RALY: variants seen among roughly 807,000 people sequenced by gnomAD.
The protein encoded by RALY is RNA-binding protein Raly.
A neutral mutation model predicts 30.7 loss-of-function variants in RALY; 15 were observed. The observed-to-expected ratio is 0.49, with a 90% confidence interval of 0.33 to 0.75. The LOEUF (loss-of-function observed/expected upper bound fraction) is 0.75. RALY is among the 30% of genes least tolerant of loss of function. The probability of loss-of-function intolerance (pLI) is 0.02; values close to 1 mark genes in which losing one functional copy is unlikely to be tolerated. For missense variants in RALY, 339 were observed against 414.3 expected, an observed-to-expected ratio of 0.82 and a Z score of 1.58; for synonymous variants, 177 against 170.8, an observed-to-expected ratio of 1.04 and a Z score of -0.28.
At chr20:34,062,197 A>G (rs1453901124) in intron 2 of RALY, among the ~76,000 whole-genome samples, 1 of 152,178 alleles carries the variant, frequency 6.6e-6, no homozygotes, top group East Asian at 1.9e-4. Flanking sequence ...CCTGGCATAT[A>G]ATGAGTATTC....
intron 2 of RALY, among the ~76,000 whole-genome samples, chr20:34,041,768 A>G (rs2123136317): frequency 6.6e-6 from 1 of 152,330 alleles, no homozygotes; most frequent in Non-Finnish European, 1.5e-5. Flanking sequence ...GACAATCATC[A>G]AGTTTACATA....
rs991294806 is a variant in RALY, at chr20:34,080,640, C to A, written c.*735C>A. 4 of 152,514 alleles carry A rather than the reference C, an allele frequency of 2.6e-5. No homozygotes were observed. Among genetic ancestry groups the A allele is most frequent in the African/African-American group, 9.7e-5 (4 of 41,434 alleles). 9.4% of individuals were successfully genotyped at this position (152,514 alleles called of 1,614,324 possible). ...TTGGACGTTGTCCTCCCACCAGCCT[C>A]CCAGTCTTCTGCCTCTGCCCTGTAC... is the stretch of plus-strand genomic sequence containing the variant. On this transcript the variant is annotated 3_prime_UTR_variant, in exon 10 of 10. Coordinates refer to ENST00000246194, the MANE Select transcript of RALY (RefSeq NM_016732.3).
intron 2 of RALY, among the ~76,000 whole-genome samples, chr20:34,051,928 G>A (rs1210291844): frequency 6.6e-6 from 1 of 152,112 alleles, no homozygotes; most frequent in Non-Finnish European, 1.5e-5. Flanking sequence ...ACAGTAAAAT[G>A]GACTACATAT....
chr20:34,076,187 T>C lies in RALY; in HGVS notation c.544+147T>C, dbSNP rs537775176. ...AACACAGCCAAGTATTTTCATGCAT[T>C]TCTAAGAGGAAACAGCTGATGTTTT... On this transcript the variant is annotated intron_variant, in intron 6 of 9. Coordinates refer to ENST00000246194, the MANE Select transcript of RALY (RefSeq NM_016732.3). The C allele has an allele frequency of 2.4e-5, 25 of 1,044,750 alleles. No individual in the cohort carries two copies. The East Asian group carries it at 6.3e-4, about 26-fold the overall frequency. 64.7% of individuals were successfully genotyped at this position (1,044,750 alleles called of 1,614,324 possible).
At chr20:34,072,838 G>T (rs2033766008) in intron 3 of RALY, among the ~76,000 whole-genome samples, 1 of 152,100 alleles carries the variant, frequency 6.6e-6, no homozygotes. Context: ...TTGAAAAGGG[G>T]TATCTGTATG....
chr20:34,019,685 C>T (rs1489051213), intron 1 of RALY, among the ~76,000 whole-genome samples: 1 of 152,180 alleles, frequency 6.6e-6, no homozygotes, highest in Non-Finnish European at 1.5e-5. Flanking sequence ...ACTTAGAATT[C>T]TGGGGGAGTG....
At chr20:34,023,424 T>C (rs1027235258) in intron 1 of RALY, among the ~76,000 whole-genome samples, 17 of 152,094 alleles carry the variant, frequency 1.1e-4, no homozygotes, top group Non-Finnish European at 1.9e-4. Flanking sequence ...CCTAGGTCTA[T>C]CTGCTAATTG....
At chr20:33,995,273 C>G (rs1046431003) in intron 1 of RALY, among the ~76,000 whole-genome samples, 6 of 152,178 alleles carry the variant, frequency 3.9e-5, no homozygotes, top group Non-Finnish European at 7.3e-5. Context: ...AGACACAACT[C>G]AAATTCCCTG....
intron 2 of RALY, among the ~76,000 whole-genome samples, chr20:34,056,493 G>A (rs189930137): frequency 7.6e-4 from 115 of 152,250 alleles, no homozygotes; most frequent in Non-Finnish European, 1.5e-3. Context: ...CTTCCAGGGG[G>A]GAGATTGTAC....
chr20:34,028,871 T>G (rs796749002), intron 1 of RALY, among the ~76,000 whole-genome samples: 2 of 152,026 alleles, frequency 1.3e-5, no homozygotes, highest in Admixed American at 1.3e-4. Flanking sequence ...ACCAAAAATA[T>G]GAGAGCTGGA....
rs745702522 is a variant in RALY, at chr20:34,072,248, C to T, written c.174C>T (p.Ala58=). Residue 58 remains alanine (A), a synonymous_variant, in exon 3 of 10, where the codon GCC becomes GCT. Transcript: ENST00000246194. ...GCTGTTCTGTGCACAAGGGCTATGC[C>T]TTTGTTCAGTACTCCAATGAGCGCC... The part of the protein sequence containing the change: ...VAGCSVHKGY[A]FVQYSNERHA... 6.2e-6 allele frequency: 10 copies of T among 1,614,096 alleles called. No individual in the cohort carries two copies. The highest frequency in any genetic ancestry group is 4.0e-5 in the African/African-American group (3 of 74,938).
At chr20:34,060,449 CTTAACCTGT>C (rs1568687252) in intron 2 of RALY, among the ~76,000 whole-genome samples, 1 of 152,208 alleles carries the variant, frequency 6.6e-6, no homozygotes, top group Non-Finnish European at 1.5e-5. Context: ...ATAAGGAATA[CTTAACCTGT>C]AGCAGCAGGA....
rs528815184 is a variant in RALY at position 34,010,909 on chromosome 20, C to G, written c.-93+16778C>G. Among the ~76,000 whole-genome samples, 2 of 152,026 alleles carry G rather than the reference C, an allele frequency of 1.3e-5. 1 individual carries two copies. Among genetic ancestry groups the G allele is most frequent in the South Asian group, 4.2e-4 (2 of 4,818 alleles). On this transcript the variant is annotated intron_variant, in intron 1 of 9. Transcript: ENST00000246194. Reference sequence around the variant, plus strand: ...GCCTCCTATTCTGCATGACTTTTTTCATTATATCTCGGCTGAACTGTGAGC... The same window carrying G: ...GCCTCCTATTCTGCATGACTTTTTTGATTATATCTCGGCTGAACTGTGAGC...
At chr20:34,051,631 T>C (rs983273916) in intron 2 of RALY, among the ~76,000 whole-genome samples, 4 of 152,180 alleles carry the variant, frequency 2.6e-5, no homozygotes, top group African/African-American at 9.7e-5. Context: ...AGTCTCGCTC[T>C]GTTGCCCAGG....
At chr20:34,075,442 C>G (rs2033846588) in intron 5 of RALY, among the ~76,000 whole-genome samples, 1 of 151,920 alleles carries the variant, frequency 6.6e-6, no homozygotes, top group Admixed American at 6.6e-5. Context: ...GCTCAGTTGA[C>G]CCCCACTCCC....
rs1214796174 is a variant in RALY at position 34,083,474 on chromosome 20, T to C, written c.*3569T>C. The C allele has an allele frequency of 6.6e-6, 1 of 152,214 alleles. No individual in the cohort carries two copies. The highest frequency in any genetic ancestry group is 2.4e-5 in the African/African-American group (1 of 41,454). 9.4% of individuals were successfully genotyped at this position (152,214 alleles called of 1,614,324 possible). On this transcript the variant is annotated 3_prime_UTR_variant, in exon 10 of 10. Coordinates refer to ENST00000246194, the MANE Select transcript of RALY (RefSeq NM_016732.3). The stretch of plus-strand genomic sequence containing the variant: ...GCTATGACGTATCTTTTGGCCAAAG[T>C]AAGTCACATGGCTAAGCCCAAATTC...
chr20:34,018,043 A>G (rs2031673960), intron 1 of RALY, among the ~76,000 whole-genome samples: 2 of 152,236 alleles, frequency 1.3e-5, no homozygotes. Context: ...GAGTTAAGCC[A>G]GGAAGGGCAC....
At chr20:34,074,949 G>C (rs1318693855) in intron 5 of RALY, among the ~76,000 whole-genome samples, 1 of 152,178 alleles carries the variant, frequency 6.6e-6, no homozygotes, top group African/African-American at 2.4e-5. Context: ...CCGTTGTCAG[G>C]AAAATTGACC....
rs992284101 is a variant in RALY at position 34,004,833 on chromosome 20, T to G, written c.-93+10702T>G. On this transcript the variant is annotated intron_variant, in intron 1 of 9. Transcript: ENST00000246194. The stretch of plus-strand genomic sequence containing the variant: ...AGTCTCTCAGAGCTCATCTATTAGT[T>G]GTATATTTGCTCAGGGAAAAATTGC... 3.3e-5 allele frequency among the ~76,000 whole-genome samples: 5 copies of G among 152,306 alleles called. No homozygotes were observed. In the East Asian group the frequency reaches 9.7e-4, roughly 29 times the overall value.
Sources: gnomAD v4.1 joint callset for allele counts (sites outside exome capture counted in the v4.1 genomes callset) on GRCh38, gnomAD v4.1.1 for gene constraint, MANE v1.5 for transcripts, NCBI Gene and HGNC (gene_info 2026-07-23, HGNC 2026-07-21) for gene names.